Variants in EEF2 observed in about 807,000 individuals in gnomAD.
EEF2 encodes the protein eukaryotic translation elongation factor 2, also known as elongation factor 2.
Under a neutral mutation model 85.3 loss-of-function variants are expected in EEF2, and 21 were observed. That is an observed-to-expected ratio of 0.25 (90% confidence interval 0.17 to 0.35). EEF2 has a LOEUF of 0.35. Among genes scored for constraint, EEF2 ranks in the 10% least tolerant of loss-of-function variants. EEF2 has a pLI of 1.00. For synonymous variants in EEF2, 723 were observed against 508.8 expected (o/e 1.42, Z -5.67); for missense variants, 825 against 1,225.3 (o/e 0.67, Z 4.88).
chr19:3,983,704 G>A (rs2039784110), intron 2 of EEF2, among the ~76,000 whole-genome samples: 2 of 152,020 alleles, frequency 1.3e-5, no homozygotes, highest in East Asian at 1.9e-4. Flanking sequence ...ACCAACCCAG[G>A]ACAAAAAGCA....
rs199563875 is a variant in EEF2, at chr19:3,976,530, G to A, written c.*24C>T. On this transcript the variant is annotated 3_prime_UTR_variant, in exon 15 of 15. Coordinates refer to ENST00000309311, the MANE Select transcript of EEF2 (RefSeq NM_001961.4). ...TGTGGGTGCTGCGAGTCCCCGGGGC[G>A]GCAGGCGCTGCAGGAAGGGCCGCCT... 144 of 1,585,090 alleles carry A rather than the reference G, an allele frequency of 9.1e-5. No homozygotes were observed. Among genetic ancestry groups the A allele is most frequent in the East Asian group, 7.4e-4 (32 of 43,252 alleles).
intron 10 of EEF2, 49 bp from the exon 11 acceptor site, chr19:3,979,485 G>A (rs746430571): frequency 6.7e-7 from 1 of 1,495,976 alleles, no homozygotes; most frequent in South Asian, 1.2e-5. Flanking sequence ...CTCGGAACAG[G>A]CGGGACCAGG....
rs2039693001 is a variant in EEF2 at position 3,977,555 on chromosome 19, G to A, written c.2123C>T (p.Thr708Ile). 1.9e-6 allele frequency: 3 copies of A among 1,581,154 alleles called. No individual in the cohort carries two copies. Among genetic ancestry groups the A allele is most frequent in the Admixed American group, 3.5e-5 (2 of 56,818 alleles). The stretch of plus-strand genomic sequence containing the variant: ...GCGGTGGATGGCGTCGGCGTGCAGG[G>A]TGACGTCGTGGACGTCGAAGCGCAC... ...RGVRFDVHDV[T>I]LHADAIHRGG... Residue 708 changes from threonine (T) to isoleucine (I), a missense_variant, in exon 13 of 15, where the codon ACC (threonine) becomes ATC (isoleucine). Thr to Ile is a moderately conservative substitution (Grantham distance 89). Transcript: ENST00000309311. The surrounding 1 kb of genome is among the most constrained non-coding windows in gnomAD (Gnocchi z 5.4).
At position 3,977,088 on chromosome 19, in the gene EEF2, C is replaced by T. The variant is rs867159794; in HGVS notation, c.2383+127G>A. 2 of 1,372,782 alleles carry T rather than the reference C, an allele frequency of 1.5e-6. No homozygotes were observed. The highest frequency in any genetic ancestry group is 2.4e-5 in the East Asian group (1 of 41,728). 85.0% of individuals were successfully genotyped at this position (1,372,782 alleles called of 1,614,324 possible). A position where few individuals can be genotyped will look rare whatever the true frequency, so the allele number is the denominator to read the frequency against. ...GGTCCACAAGCTGTCAGAAACTGGA[C>T]CACCTGCTCCATCCATCACCTGCTC... On this transcript the variant is annotated intron_variant, in intron 14 of 14. Coordinates refer to ENST00000309311, the MANE Select transcript of EEF2 (RefSeq NM_001961.4). The surrounding 1 kb of genome is among the most constrained non-coding windows in gnomAD (Gnocchi z 5.4).
At position 3,984,460 on chromosome 19, in the gene EEF2, T is replaced by C. The variant is rs370519133; in HGVS notation, c.4-110A>G. On this transcript the variant is annotated intron_variant, in intron 1 of 14. Transcript: ENST00000309311. The stretch of plus-strand genomic sequence containing the variant: ...ATGCCCAAGGCCAGGAGGGGGTTGG[T>C]GCTGGGGTGCCCCAAGCCCACCGAA... 246 of 1,208,108 alleles carry C rather than the reference T, an allele frequency of 2.0e-4. 3 individuals carry two copies. The Middle Eastern group carries it at 2.5e-3, about 12-fold the overall frequency. The allele number at this position is 1,208,108 out of a possible 1,614,324, so 74.8% of individuals were successfully genotyped here. A position where few individuals can be genotyped will look rare whatever the true frequency, so the allele number is the denominator to read the frequency against.
chr19:3,985,122 C>T (rs1017849327), intron 1 of EEF2: 2 of 398,928 alleles, frequency 5.0e-6, no homozygotes, highest in Admixed American at 4.5e-5. Flanking sequence ...CATTCCCCAC[C>T]CCCATCCCCG....
At chr19:3,981,218 G>GAA (rs1376746079) in intron 7 of EEF2, 121 bp downstream of exon 7, 6 of 1,129,064 alleles carry the variant, frequency 5.3e-6, no homozygotes, top group Non-Finnish European at 7.7e-6. Flanking sequence ...AGTCTAAAGC[G>GAA]AAAGGGGCAG....
At position 3,985,426 on chromosome 19, in the gene EEF2, G is replaced by T. The variant is rs190787427; in HGVS notation, c.-46C>A. ...TCTCCCAGGTAGAACCGAAAGAAGCGAGTCGCGCCGAGGATGGCGGCGACG... is the reference window on the plus strand; with the variant it reads ...TCTCCCAGGTAGAACCGAAAGAAGCTAGTCGCGCCGAGGATGGCGGCGACG... On this transcript the variant is annotated 5_prime_UTR_variant, in exon 1 of 15. Coordinates refer to ENST00000309311, the MANE Select transcript of EEF2 (RefSeq NM_001961.4). The T allele has an allele frequency of 1.2e-5, 17 of 1,465,228 alleles. No homozygotes were observed. Among genetic ancestry groups the T allele is most frequent in the Non-Finnish European group, 1.5e-5 (16 of 1,101,746 alleles). The allele number at this position is 1,465,228 out of a possible 1,614,324, so 90.8% of individuals were successfully genotyped here.
intron 9 of EEF2, 74 bp downstream of exon 9, chr19:3,980,440 G>A (rs1599193858): frequency 4.0e-6 from 6 of 1,506,556 alleles, no homozygotes; most frequent in East Asian, 2.3e-5. Flanking sequence ...GCTCCCGACT[G>A]AGGAGCCCAA....
Position 3,979,953 on chromosome 19 carries a change from G to C in EEF2, c.1460C>G (p.Thr487Ser). Residue 487 changes from threonine (T) to serine (S), a missense_variant, in exon 10 of 15, where the codon ACC becomes AGC. Coordinates refer to ENST00000309311, the MANE Select transcript of EEF2 (RefSeq NM_001961.4). ...QFLVKTGTIT[T>S]FEHAHNMRVM... is the part of the protein sequence containing the mutation. ...CCGCATGTTGTGCGCGTGCTCGAAGGTGGTGATGGTGCCCGTCTTCACCAG... is the reference window on the plus strand; with the variant it reads ...CCGCATGTTGTGCGCGTGCTCGAAGCTGGTGATGGTGCCCGTCTTCACCAG... The C allele has an allele frequency of 6.2e-7, 1 of 1,613,954 alleles. No homozygotes were observed. Among genetic ancestry groups the C allele is most frequent in the Non-Finnish European group, 8.5e-7 (1 of 1,180,046 alleles).
Position 3,977,814 on chromosome 19 carries a change from C to A in EEF2, c.2067+5G>T. The A allele has an allele frequency of 6.3e-7, 1 of 1,577,414 alleles. No homozygotes were observed. Among genetic ancestry groups the A allele is most frequent in the Non-Finnish European group, 8.6e-7 (1 of 1,156,548 alleles). On this transcript the variant is annotated splice_donor_5th_base_variant and intron_variant, in intron 12 of 14. Transcript: ENST00000309311. The surrounding 1 kb of genome is among the most constrained non-coding windows in gnomAD (Gnocchi z 5.4). ...GTGGTCTGCACATGCTGAGCCGTGC[C>A]TCACCTCCTTGGTGGCCCACTGGAA...
At position 3,984,327 on chromosome 19, in the gene EEF2, G is replaced by C; in HGVS notation, c.27C>G (p.Ile9Met). Residue 9 changes from isoleucine (I) to methionine (M), a missense_variant, in exon 2 of 15, where the codon ATC becomes ATG. Coordinates refer to ENST00000309311, the MANE Select transcript of EEF2 (RefSeq NM_001961.4). Reference protein sequence around the residue: MVNFTVDQIRAIMDKKANI... With the variant: MVNFTVDQMRAIMDKKANI... Reference sequence around the variant, plus strand: ...TGGCCTTCTTGTCCATGATGGCGCGGATCTGGTCTACCGTGAAGTTCACCT... The same window carrying C: ...TGGCCTTCTTGTCCATGATGGCGCGCATCTGGTCTACCGTGAAGTTCACCT... 2.5e-6 allele frequency: 4 copies of C among 1,614,204 alleles called. No homozygotes were observed. Among genetic ancestry groups the C allele is most frequent in the Non-Finnish European group, 2.5e-6 (3 of 1,180,042 alleles).
Position 3,985,282 on chromosome 19 carries a change from C to G in EEF2, c.3+96G>C. On this transcript the variant is annotated intron_variant, in intron 1 of 14. Transcript: ENST00000309311. The stretch of plus-strand genomic sequence containing the variant: ...GGCCCCGCCGCCGCTACGTCTCCTC[C>G]TGGCACGGGGGGCCCCAGCGTCCCA... 2.3e-6 allele frequency: 3 copies of G among 1,288,730 alleles called. No homozygotes were observed. The Admixed American group carries it at 1.2e-4, about 53-fold the overall frequency. The allele number at this position is 1,288,730 out of a possible 1,614,324, so 79.8% of individuals were successfully genotyped here.
intron 1 of EEF2, 93 bp downstream of exon 1, chr19:3,985,285 G>A (rs2039806014): frequency 3.1e-6 from 4 of 1,295,562 alleles, no homozygotes; most frequent in African/African-American, 1.5e-5. Flanking sequence ...TCTCCTCCTG[G>A]CACGGGGGGC....
At position 3,977,751 on chromosome 19, in the gene EEF2, GCAGGAC is replaced by G. The variant is rs571706338; in HGVS notation, c.2067+62_2067+67del. On this transcript the variant is annotated intron_variant, in intron 12 of 14. Transcript: ENST00000309311. This position sits in a 1 kb window ranked among gnomAD's most constrained non-coding sequence, Gnocchi z 5.4. ...CCCATTAGGGTCTCTGTCTCGGGAG[GCAGGAC>G]CATGAGGTCCCTCTAGAGCCTGGAA... 5.0e-5 allele frequency: 75 copies of G among 1,498,370 alleles called. No homozygotes were observed. The East Asian group carries it at 1.6e-3, about 33-fold the overall frequency. 92.8% of individuals were successfully genotyped at this position (1,498,370 alleles called of 1,614,324 possible).
At chr19:3,985,097 C>T (rs1232531791) in intron 1 of EEF2, 8 of 384,882 alleles carry the variant, frequency 2.1e-5, no homozygotes, top group Non-Finnish European at 3.2e-5. Context: ...GCCATTACTA[C>T]GCCTGCCACA....
At chr19:3,982,746 C>T (rs576630232) in intron 4 of EEF2, 61 bp downstream of exon 4, 3 of 1,541,214 alleles carry the variant, frequency 1.9e-6, no homozygotes, top group Middle Eastern at 3.4e-4. Flanking sequence ...AACTCCACTC[C>T]CCACCGGCTC....
In EEF2 at chr19:3,985,417, G is replaced by T. The variant is rs555077387; in HGVS notation, c.-37C>A. The T allele has an allele frequency of 2.0e-6, 3 of 1,480,906 alleles. No homozygotes were observed. Among genetic ancestry groups the T allele is most frequent in the Non-Finnish European group, 2.7e-6 (3 of 1,109,110 alleles). The allele number at this position is 1,480,906 out of a possible 1,614,324, so 91.7% of individuals were successfully genotyped here. ...GCGGTGGATTCTCCCAGGTAGAACC[G>T]AAAGAAGCGAGTCGCGCCGAGGATG... On this transcript the variant is annotated 5_prime_UTR_variant, in exon 1 of 15. Transcript: ENST00000309311.
chr19:3,981,828 A>G, intron 6 of EEF2, 119 bp downstream of exon 6: 1 of 890,654 alleles, frequency 1.1e-6, no homozygotes, highest in South Asian at 1.5e-5. Flanking sequence ...GCCTCCTCCC[A>G]TCTCGCATCT....
Sources: allele counts gnomAD v4.1 joint callset (sites outside exome capture counted in the v4.1 genomes callset), GRCh38; gene constraint gnomAD v4.1.1; non-coding constraint Gnocchi (gnomAD v3.1); transcripts MANE v1.5; gene names NCBI Gene and HGNC (gene_info 2026-07-23, HGNC 2026-07-21).